TTBK2: variants seen among roughly 807,000 people sequenced by gnomAD.
TTBK2 encodes tau tubulin kinase 2.
TTBK2 carries 28 observed loss-of-function variants against 110.8 expected under a neutral mutation model. The ratio of observed to expected loss-of-function variants is 0.25; its 90% CI spans 0.19 to 0.35. The LOEUF (loss-of-function observed/expected upper bound fraction) is 0.35. Among genes scored for constraint, TTBK2 ranks in the 10% least tolerant of loss-of-function variants. The pLI is 1.00. For synonymous variants in TTBK2, 532 were observed against 527.3 expected (o/e 1.01, Z -0.12); for missense variants, 1,369 against 1,500.3 (o/e 0.91, Z 1.45).
intron 13 of TTBK2, among the ~76,000 whole-genome samples, chr15:42,765,337 T>C (rs957660597): frequency 1.3e-5 from 2 of 152,182 alleles, no homozygotes; most frequent in Admixed American, 6.5e-5. Context: ...AGGAGGATGT[T>C]TGAACCCATT....
chr15:42,801,223 C>A, intron 9 of TTBK2: 1 of 1,514,676 alleles, frequency 6.6e-7, no homozygotes. Context: ...CAGCTCTCCT[C>A]GCCCTCCAAC....
In TTBK2 at chr15:42,743,538, A is replaced by T. The variant is rs1340816276; in HGVS notation, c.*2257T>A. The T allele has an allele frequency of 6.6e-6, 1 of 152,012 alleles. No individual in the cohort carries two copies. Among genetic ancestry groups the T allele is most frequent in the Non-Finnish European group, 1.5e-5 (1 of 68,016 alleles). The allele number at this position is 152,012 out of a possible 1,614,324, so 9.4% of individuals were successfully genotyped here. A position where few individuals can be genotyped will look rare whatever the true frequency, so the allele number is the denominator to read the frequency against. On this transcript the variant is annotated 3_prime_UTR_variant, in exon 15 of 15. Coordinates refer to ENST00000267890, the MANE Select transcript of TTBK2 (RefSeq NM_173500.4). ...TGACAATTTCTTCATTATTCCCCCGACCCCCTGCAAAAAAAGTGAGATGAA... is the reference window on the plus strand; with the variant it reads ...TGACAATTTCTTCATTATTCCCCCGTCCCCCTGCAAAAAAAGTGAGATGAA...
intron 13 of TTBK2, among the ~76,000 whole-genome samples, chr15:42,760,919 C>A (rs545802532): frequency 6.0e-4 from 92 of 152,250 alleles, no homozygotes; most frequent in African/African-American, 2.1e-3. Context: ...TATAACACTA[C>A]CTAATTTCAA....
In TTBK2 at chr15:42,840,530, T is replaced by C. The variant is rs1420289293; in HGVS notation, c.218-97A>G. The C allele has an allele frequency of 1.8e-5, 19 of 1,079,908 alleles. No homozygotes were observed. In the Admixed American group the frequency reaches 2.4e-4, roughly 14 times the overall value. The allele number at this position is 1,079,908 out of a possible 1,614,324, so 66.9% of individuals were successfully genotyped here. A position where few individuals can be genotyped will look rare whatever the true frequency, so the allele number is the denominator to read the frequency against. ...CTGTATAGTGTTTTATGATTGAATA[T>C]AAAATACATCTTGAGAACCTTAAGG... On this transcript the variant is annotated intron_variant, in intron 3 of 14. Coordinates refer to ENST00000267890, the MANE Select transcript of TTBK2 (RefSeq NM_173500.4).
At chr15:42,911,239 C>T (rs988707192) in intron 1 of TTBK2, among the ~76,000 whole-genome samples, 1 of 152,132 alleles carries the variant, frequency 6.6e-6, no homozygotes, top group African/African-American at 2.4e-5. Context: ...TCTCCCATTC[C>T]CGTACATACA....
chr15:42,787,466 G>A (rs1221811610), intron 10 of TTBK2, among the ~76,000 whole-genome samples: 1 of 152,180 alleles, frequency 6.6e-6, no homozygotes, highest in Non-Finnish European at 1.5e-5. Flanking sequence ...AGGGCAGACA[G>A]TAATGGTTAG....
intron 1 of TTBK2, among the ~76,000 whole-genome samples, chr15:42,900,752 T>C (rs2029945236): frequency 6.6e-6 from 1 of 152,184 alleles, no homozygotes; most frequent in African/African-American, 2.4e-5. Context: ...GTTATTTCTA[T>C]GTAGTATGGT....
chr15:42,798,296 G>GA (rs1891034534), intron 9 of TTBK2: 2 of 455,904 alleles, frequency 4.4e-6, no homozygotes, highest in Non-Finnish European at 8.8e-6. Context: ...GGAAAAATCT[G>GA]AAAAAAATCT....
chr15:42,863,264 C>A (rs1413488358), intron 3 of TTBK2, among the ~76,000 whole-genome samples: 3 of 151,884 alleles, frequency 2.0e-5, no homozygotes, highest in Admixed American at 6.6e-5. Flanking sequence ...TTCTATAGAC[C>A]AATAATGTTC....
At chr15:42,835,618 T>C (rs1892954194) in intron 4 of TTBK2, among the ~76,000 whole-genome samples, 1 of 151,266 alleles carries the variant, frequency 6.6e-6, no homozygotes, top group Non-Finnish European at 1.5e-5. Context: ...TCAATTCAAA[T>C]AAACCAAATG....
chr15:42,794,524 T>A, intron 10 of TTBK2, 120 bp downstream of exon 10: 3 of 1,373,924 alleles, frequency 2.2e-6, no homozygotes, highest in Non-Finnish European at 3.1e-6. Context: ...TTCGAGGAGA[T>A]CCACAGGCTT....
chr15:42,847,414 G>T (rs975775327), intron 3 of TTBK2, among the ~76,000 whole-genome samples: 1 of 152,142 alleles, frequency 6.6e-6, no homozygotes, highest in Non-Finnish European at 1.5e-5. Context: ...TGGAAGCAAA[G>T]TTTTTAATTT....
At position 42,775,680 on chromosome 15, in the gene TTBK2, T is replaced by C. The variant is rs1437126507; in HGVS notation, c.1453A>G (p.Ile485Val). Residue 485 changes from isoleucine to valine, a missense_variant, in exon 13 of 15, where the codon ATT (isoleucine) becomes GTT (valine). Physicochemically the swap from Ile to Val is conservative, Grantham distance 29. Transcript: ENST00000267890. ...QKDTSAGKES[I>V]LPALLHKPCV... ...GGCTTATGCAGCAGAGCAGGGAGAA[T>C]AGATTCTTTTCCTGCACTGGTATCT... 9.3e-6 allele frequency: 15 copies of C among 1,613,122 alleles called. No individual in the cohort carries two copies. The highest frequency in any genetic ancestry group is 1.2e-5 in the Non-Finnish European group (14 of 1,179,796).
At chr15:42,802,596 G>A (rs1279522678) in intron 9 of TTBK2, among the ~76,000 whole-genome samples, 1 of 152,168 alleles carries the variant, frequency 6.6e-6, no homozygotes, top group Non-Finnish European at 1.5e-5. Flanking sequence ...AAAATAAAGA[G>A]AATGAGTTGA....
intron 4 of TTBK2, among the ~76,000 whole-genome samples, chr15:42,836,027 G>A (rs1296904128): frequency 1.3e-5 from 2 of 152,084 alleles, no homozygotes; most frequent in Admixed American, 1.3e-4. Context: ...AAAATGTTTT[G>A]CACCTCTGTA....
At chr15:42,770,156 T>C (rs1315389198) in intron 13 of TTBK2, among the ~76,000 whole-genome samples, 1 of 151,930 alleles carries the variant, frequency 6.6e-6, no homozygotes, top group Non-Finnish European at 1.5e-5. Flanking sequence ...AATGATGAGT[T>C]GATGGGTGCA....
rs1567008457 is a variant in TTBK2 at position 42,763,106 on chromosome 15, A to ATATATATATATATACG, written c.1999-9860_1999-9859insCGTATATATATATATA. On this transcript the variant is annotated intron_variant, in intron 13 of 14. Coordinates refer to ENST00000267890, the MANE Select transcript of TTBK2 (RefSeq NM_173500.4). ...ATTTTATATATATATATATATACGT[A>ATATATATATATATACG]TATATATATATACACATATATATAC... Among the ~76,000 whole-genome samples the ATATATATATATATACG allele has an allele frequency of 3.5e-3, 394 of 113,490 alleles. 14 individuals are homozygous for ATATATATATATATACG. Among genetic ancestry groups the ATATATATATATATACG allele is most frequent in the African/African-American group, 0.014 (360 of 25,302 alleles). The allele number at this position is 113,490 out of a possible 152,430, so 74.5% of individuals were successfully genotyped here.
intron 1 of TTBK2, among the ~76,000 whole-genome samples, chr15:42,908,729 A>G (rs138362953): frequency 2.0e-5 from 3 of 152,324 alleles, no homozygotes; most frequent in African/African-American, 7.2e-5. Context: ...AAAGCTGAAG[A>G]TAATGCATAC....
intron 9 of TTBK2, among the ~76,000 whole-genome samples, chr15:42,806,806 A>AT (rs890895259): frequency 1.4e-5 from 2 of 145,622 alleles, no homozygotes; most frequent in Middle Eastern, 3.5e-3. Flanking sequence ...ACATTATGAG[A>AT]TTTTTTTGTG....
Sources: allele counts gnomAD v4.1 joint callset (sites outside exome capture counted in the v4.1 genomes callset), GRCh38; gene constraint gnomAD v4.1.1; transcripts MANE v1.5; gene names NCBI Gene and HGNC (gene_info 2026-07-23, HGNC 2026-07-21).